The following SH3TC2 variants were observed in gnomAD, a reference collection of about 807,000 sequenced individuals.
The protein encoded by SH3TC2 is SH3 domain and tetratricopeptide repeat-containing protein 2.
Under a neutral mutation model 124.5 loss-of-function variants are expected in SH3TC2, and 87 were observed. The observed-to-expected ratio is 0.70, with a 90% confidence interval of 0.59 to 0.84. SH3TC2 has a LOEUF of 0.84. SH3TC2 is among the 40% of genes least tolerant of loss of function. The probability of loss-of-function intolerance (pLI) is 0.00; values close to 1 mark genes in which losing one functional copy is unlikely to be tolerated. For missense variants in SH3TC2, 1,536 were observed against 1,566.4 expected (o/e 0.98, Z 0.33); for synonymous variants, 634 against 628.5 (o/e 1.01, Z -0.13).
chr5:149,026,592 A>G lies in SH3TC2; in HGVS notation c.3033T>C (p.Tyr1011=), dbSNP rs745562677. Residue 1011 remains tyrosine, a synonymous_variant, in exon 12 of 17, where the codon TAT becomes TAC. Transcript: ENST00000515425. Reference sequence around the variant, plus strand: ...CTCACCTGGCGGTATTTAGGTTCCGATAAAGCTGCCCCAGGGACTCCAGCA... The same window carrying G: ...CTCACCTGGCGGTATTTAGGTTCCGGTAAAGCTGCCCCAGGGACTCCAGCA... The part of the protein sequence containing the change: ...GRLLESLGQL[Y]RNLNTARSLR... The G allele has an allele frequency of 4.3e-6, 7 of 1,614,036 alleles. No homozygotes were observed. The highest frequency in any genetic ancestry group is 5.1e-6 in the Non-Finnish European group (6 of 1,180,046).
At position 149,004,745 on chromosome 5, in the gene SH3TC2, G is replaced by A. The variant is rs374516818; in HGVS notation, c.3833C>T (p.Ala1278Val). 4.3e-5 allele frequency: 70 copies of A among 1,613,680 alleles called. No individual in the cohort carries two copies. Among genetic ancestry groups the A allele is most frequent in the Middle Eastern group, 3.4e-4 (2 of 5,900 alleles). ...SRPSGCSSERARWLSGGGLAL is the reference protein window; with the variant it reads ...SRPSGCSSERVRWLSGGGLAL ...CAGGCCACCACCACTCAGCCACCGC[G>A]CCCTCTCTGAGGAGCACCCGGAGGG... Residue 1278 changes from alanine to valine, a missense_variant, in exon 17 of 17, where the codon GCG (alanine) becomes GTG (valine). Physicochemically the swap from Ala to Val is moderately conservative, Grantham distance 64. Around this residue, in one of 3 missense-constraint regions of SH3TC2, gnomAD observed 426 missense variants for 443.5 expected, o/e 0.96. Coordinates refer to ENST00000515425, the MANE Select transcript of SH3TC2 (RefSeq NM_024577.4).
In SH3TC2 at chr5:149,000,393, C is replaced by A. The variant is rs1168065907; in HGVS notation, c.*4318G>T. 6.6e-6 allele frequency among the ~76,000 whole-genome samples: 1 copy of A among 152,168 alleles called. No individual in the cohort carries two copies. Among genetic ancestry groups the A allele is most frequent in the Admixed American group, 6.5e-5 (1 of 15,276 alleles). On this transcript the variant is annotated 3_prime_UTR_variant, in exon 17 of 17. Transcript: ENST00000515425. Reference sequence around the variant, plus strand: ...TTAATCTCTCTGTTTTCAAACAATGCCAGATAAGGCCTAGGCTGGGTGCTT... The same window carrying A: ...TTAATCTCTCTGTTTTCAAACAATGACAGATAAGGCCTAGGCTGGGTGCTT...
intron 16 of SH3TC2, 92 bp from the exon 17 acceptor site, chr5:149,004,994 TTG>T: frequency 5.0e-6 from 6 of 1,208,706 alleles, no homozygotes; most frequent in Non-Finnish European, 5.9e-6. Context: ...CTAGTTTTTT[TTG>T]TTTGTTTGTT....
chr5:149,014,759 C>G lies in SH3TC2; in HGVS notation c.3054-2025G>C, dbSNP rs1007140334. Among the ~76,000 whole-genome samples the G allele has an allele frequency of 4.6e-5, 7 of 152,192 alleles. No homozygotes were observed. The South Asian group carries it at 1.5e-3, about 32-fold the overall frequency. ...AACCTCCTCAGCTCAGCTACAGTAA[C>G]CACAGGCATCTTTCACTATAGGAAG... On this transcript the variant is annotated intron_variant, in intron 12 of 16. Transcript: ENST00000515425.
chr5:149,012,799 A>T, intron 12 of SH3TC2, 65 bp from the exon 13 acceptor site: 2 of 1,577,448 alleles, frequency 1.3e-6, no homozygotes, highest in African/African-American at 1.3e-5. Context: ...CACTCAGCAC[A>T]GGATGAAACA....
chr5:149,060,532 T>C (rs1052947628), intron 1 of SH3TC2, among the ~76,000 whole-genome samples: 2 of 152,188 alleles, frequency 1.3e-5, no homozygotes, highest in Admixed American at 6.5e-5. Flanking sequence ...AGCTGTCCAG[T>C]GCTCAGTGCT....
intron 3 of SH3TC2, chr5:149,047,549 A>C (rs1220014764): frequency 8.7e-6 from 3 of 344,332 alleles, no homozygotes; most frequent in Middle Eastern, 9.2e-4. Flanking sequence ...AAGTATACTT[A>C]ATGAGGTAGG....
In SH3TC2 at chr5:148,996,088, CA is replaced by C. The variant is rs562125931; in HGVS notation, c.*8622del. On this transcript the variant is annotated 3_prime_UTR_variant, in exon 17 of 17. Coordinates refer to ENST00000515425, the MANE Select transcript of SH3TC2 (RefSeq NM_024577.4). ...GGAAACCCATCTCTACAAAAACTAC[CA>C]AAAAAAAAAAAAATTAGCTGGGAGT... 0.14 allele frequency among the ~76,000 whole-genome samples: 19,870 copies of C among 137,560 alleles called. 1,662 individuals are homozygous for C. Among genetic ancestry groups the C allele is most frequent in the South Asian group, 0.22 (930 of 4,280 alleles). The allele number at this position is 137,560 out of a possible 152,430, so 90.2% of individuals were successfully genotyped here. A position where few individuals can be genotyped will look rare whatever the true frequency, so the allele number is the denominator to read the frequency against.
Position 149,040,621 on chromosome 5 carries a change from G to A in SH3TC2, c.788C>T (p.Thr263Ile). ...SCGLSRKRDW[T>I]GSYQIGRGRC... ...AGCCATACCAATCTGATAGGAGCCTGTCCAATCCCTCTTCCTGGAAAGGCC... is the reference window on the plus strand; with the variant it reads ...AGCCATACCAATCTGATAGGAGCCTATCCAATCCCTCTTCCTGGAAAGGCC... The change falls in exon 7 of 17, where the codon ACA (threonine) becomes ATA (isoleucine). Residue 263 changes from threonine (T) to isoleucine (I), a missense_variant. Physicochemically the swap from Thr to Ile is moderately conservative, Grantham distance 89. Transcript: ENST00000515425. 1.9e-6 allele frequency: 3 copies of A among 1,614,004 alleles called. No homozygotes were observed. The highest frequency in any genetic ancestry group is 8.5e-7 in the Non-Finnish European group (1 of 1,179,894).
intron 8 of SH3TC2, among the ~76,000 whole-genome samples, chr5:149,037,230 G>T (rs1013877807): frequency 1.3e-5 from 2 of 152,128 alleles, no homozygotes; most frequent in African/African-American, 4.8e-5. Context: ...AACATCTGTT[G>T]AAATATTTTA....
Position 148,986,716 on chromosome 5 carries a change from A to T in SH3TC2, c.*17995T>A, listed in dbSNP as rs1003352111. 6.6e-6 allele frequency among the ~76,000 whole-genome samples: 1 copy of T among 152,222 alleles called. No individual in the cohort carries two copies. The highest frequency in any genetic ancestry group is 2.4e-5 in the African/African-American group (1 of 41,452). On this transcript the variant is annotated 3_prime_UTR_variant, in exon 17 of 17. Coordinates refer to ENST00000515425, the MANE Select transcript of SH3TC2 (RefSeq NM_024577.4). ...TGTTAGGGTGACTTGTAGGCATCAT[A>T]ATAAGCCAAATCAGAGCATAAGAAT... is the stretch of plus-strand genomic sequence containing the variant.
chr5:149,051,993 C>G (rs1258515960), intron 2 of SH3TC2, 149 bp downstream of exon 2: 1 of 696,990 alleles, frequency 1.4e-6, no homozygotes, highest in Non-Finnish European at 2.6e-6. Flanking sequence ...CAGTGGAGTG[C>G]AACAGAAGAT....
chr5:148,989,476 T>C lies in SH3TC2; in HGVS notation c.*15235A>G, dbSNP rs145210501. Among the ~76,000 whole-genome samples the C allele has an allele frequency of 4.7e-4, 72 of 152,296 alleles. No homozygotes were observed. Among genetic ancestry groups the C allele is most frequent in the South Asian group, 1.2e-3 (6 of 4,814 alleles). On this transcript the variant is annotated 3_prime_UTR_variant, in exon 17 of 17. Transcript: ENST00000515425. Reference sequence around the variant, plus strand: ...AATTCATTCACATCCAGAAATCACATTGTAGTTGTTGAATCCTTTGGCAGG... The same window carrying C: ...AATTCATTCACATCCAGAAATCACACTGTAGTTGTTGAATCCTTTGGCAGG...
rs763234510 is a variant in SH3TC2 at position 149,027,329 on chromosome 5, G to A, written c.2403C>T (p.Cys801=). The stretch of plus-strand genomic sequence containing the variant: ...TGGCTAAGAGATAGGCCCATGCCAG[G>A]CAGAGAGAAGACTCAAAGGATTCCT... ...GEQESFESSL[C]LAWAYLLASQ... Residue 801 remains cysteine (C), a synonymous_variant, in exon 11 of 17, where the codon TGC becomes TGT. Transcript: ENST00000515425. 6.2e-7 allele frequency: 1 copy of A among 1,614,032 alleles called. No individual in the cohort carries two copies. The highest frequency in any genetic ancestry group is 8.5e-7 in the Non-Finnish European group (1 of 1,180,056).
chr5:149,048,154 A>C lies in SH3TC2; in HGVS notation c.152-165T>G. On this transcript the variant is annotated intron_variant, in intron 2 of 16. Transcript: ENST00000515425. Reference sequence around the variant, plus strand: ...TTAACACTTCTCGGAGCACTCCTTTAAATGGTCCTCCCTTGAGGAAAAACA... The same window carrying C: ...TTAACACTTCTCGGAGCACTCCTTTCAATGGTCCTCCCTTGAGGAAAAACA... 3 of 922,464 alleles carry C rather than the reference A, an allele frequency of 3.3e-6. No individual in the cohort carries two copies. The South Asian group carries it at 4.4e-5, about 14-fold the overall frequency. The allele number at this position is 922,464 out of a possible 1,614,324, so 57.1% of individuals were successfully genotyped here.
chr5:149,051,521 A>G (rs1453202925), intron 2 of SH3TC2, among the ~76,000 whole-genome samples: 1 of 152,180 alleles, frequency 6.6e-6, no homozygotes, highest in Non-Finnish European at 1.5e-5. Context: ...GTGCAATTAC[A>G]GCTTACTGCA....
rs976117263 is a variant in SH3TC2 at position 149,002,445 on chromosome 5, C to T, written c.*2266G>A. 1 of 152,598 alleles carries T rather than the reference C, an allele frequency of 6.6e-6. No homozygotes were observed. Among genetic ancestry groups the T allele is most frequent in the South Asian group, 2.1e-4 (1 of 4,838 alleles). The allele number at this position is 152,598 out of a possible 1,614,324, so 9.5% of individuals were successfully genotyped here. On this transcript the variant is annotated 3_prime_UTR_variant, in exon 17 of 17. Transcript: ENST00000515425. ...TTAGATAACTTTACTAATTAGACAA[C>T]TGGAAGCTTCTCCTTCCTGGAGAAT...
chr5:149,054,045 AT>A (rs891120667), intron 1 of SH3TC2, among the ~76,000 whole-genome samples: 1 of 152,206 alleles, frequency 6.6e-6, no homozygotes, highest in African/African-American at 2.4e-5. Context: ...AAAGAGTATA[AT>A]TGGATTGCTT....
rs761542149 is a variant in SH3TC2 at position 149,062,335 on chromosome 5, G to C, written c.52+636C>G. 1.1e-5 allele frequency: 6 copies of C among 531,922 alleles called. 1 individual carries two copies. Among genetic ancestry groups the C allele is most frequent in the South Asian group, 4.2e-5 (3 of 71,118 alleles). The allele number at this position is 531,922 out of a possible 1,614,324, so 33.0% of individuals were successfully genotyped here. ...AAGGTTGCTTCAGGGAGACCAACCA[G>C]CCTGGTTGGCCTGGAACTGACATAT... On this transcript the variant is annotated intron_variant, in intron 1 of 16. Coordinates refer to ENST00000515425, the MANE Select transcript of SH3TC2 (RefSeq NM_024577.4).
Sources: gnomAD v4.1 joint callset for allele counts (sites outside exome capture counted in the v4.1 genomes callset) on GRCh38, gnomAD v4.1.1 for gene constraint, gnomAD v4.1.1 regional missense constraint, MANE v1.5 for transcripts, NCBI Gene and HGNC (gene_info 2026-07-23, HGNC 2026-07-21) for gene names.